The following SPDEF variants were observed in gnomAD, a reference collection of about 807,000 sequenced individuals.
SPDEF encodes SAM pointed domain containing ETS transcription factor, also known as SAM pointed domain-containing Ets transcription factor.
Under a neutral mutation model 36.0 loss-of-function variants are expected in SPDEF, and 12 were observed. The observed-to-expected ratio is 0.33, with a 90% CI of 0.21 to 0.54. The LOEUF (loss-of-function observed/expected upper bound fraction) is 0.54, where lower values mean the gene tolerates loss of function less well. Ranked by LOEUF, SPDEF falls within the 20% of genes least tolerant of loss-of-function variation. The pLI is 0.93. For synonymous variants in SPDEF, 205 were observed against 193.0 expected, an observed-to-expected ratio of 1.06 and a Z score of -0.51; for missense variants, 388 against 456.9, an observed-to-expected ratio of 0.85 and a Z score of 1.37.
At chr6:34,543,955 A>G in intron 2 of SPDEF, 65 bp downstream of exon 2, 1 of 1,537,826 alleles carries the variant, frequency 6.5e-7, no homozygotes, top group South Asian at 1.2e-5. Context: ...GCCCCGACCC[A>G]CCCCAGCGAC....
chr6:34,546,713 G>C (rs1048656903), intron 1 of SPDEF, among the ~76,000 whole-genome samples: 1 of 151,716 alleles, frequency 6.6e-6, no homozygotes, highest in Non-Finnish European at 1.5e-5. Context: ...AGGAGGGAAG[G>C]GTGTTCCCTT....
Position 34,538,232 on chromosome 6 carries a change from G to C in SPDEF, c.*42C>G, listed in dbSNP as rs1346317949. On this transcript the variant is annotated 3_prime_UTR_variant, in exon 6 of 6. Coordinates refer to ENST00000374037, the MANE Select transcript of SPDEF (RefSeq NM_012391.3). The surrounding 1 kb of genome is among the most constrained non-coding windows in gnomAD (Gnocchi z 5.9). ...CCTGGCTGAGGCAGGGCAGGCAGGA[G>C]AGAGGCCCCTGAGGGCGGGTTTCAG... The C allele has an allele frequency of 6.3e-7, 1 of 1,588,688 alleles. No homozygotes were observed. The highest frequency in any genetic ancestry group is 1.1e-5 in the South Asian group (1 of 87,794).
chr6:34,538,393 G>A lies in SPDEF; in HGVS notation c.889C>T (p.Arg297Cys), dbSNP rs374579377. Residue 297 changes from arginine (R) to cysteine (C), a missense_variant, in exon 6 of 6, where the codon CGT becomes TGT. By Grantham distance (180) the Arg-to-Cys change is radical. Transcript: ENST00000374037. The surrounding 1 kb of genome is among the most constrained non-coding windows in gnomAD (Gnocchi z 5.9). ...VARLWGIRKN[R>C]PAMNYDKLSR... ...AGCTTGTCGTAGTTCATGGCGGGAC[G>A]GTTCTTGCGGATGCCCCACAGCCGG... is the stretch of plus-strand genomic sequence containing the variant. 6 of 1,613,906 alleles carry A rather than the reference G, an allele frequency of 3.7e-6. No individual in the cohort carries two copies. Among genetic ancestry groups the A allele is most frequent in the African/African-American group, 2.7e-5 (2 of 74,930 alleles).
At chr6:34,545,142 G>A (rs973249606) in intron 1 of SPDEF, among the ~76,000 whole-genome samples, 37 of 152,338 alleles carry the variant, frequency 2.4e-4, no homozygotes, top group Admixed American at 1.8e-3. Context: ...TCACAGGTGT[G>A]TGTCTCCCAA....
At chr6:34,546,601 G>T (rs1294486689) in intron 1 of SPDEF, among the ~76,000 whole-genome samples, 1 of 152,150 alleles carries the variant, frequency 6.6e-6, no homozygotes, top group African/African-American at 2.4e-5. Flanking sequence ...TGGAGCCTAG[G>T]TAGAATTTCA....
chr6:34,548,480 T>G (rs904999574), intron 1 of SPDEF, among the ~76,000 whole-genome samples: 2 of 152,154 alleles, frequency 1.3e-5, no homozygotes, highest in Admixed American at 6.5e-5. Context: ...CCCATCCCAG[T>G]GGCTGGTGCC....
At chr6:34,548,409 C>G (rs1767996703) in intron 1 of SPDEF, among the ~76,000 whole-genome samples, 1 of 152,128 alleles carries the variant, frequency 6.6e-6, no homozygotes, top group South Asian at 2.1e-4. Flanking sequence ...TGTTCATATC[C>G]CTGCAGCACC....
At chr6:34,542,209 G>GGA (rs1281860876) in intron 2 of SPDEF, among the ~76,000 whole-genome samples, 1 of 152,202 alleles carries the variant, frequency 6.6e-6, no homozygotes, top group Non-Finnish European at 1.5e-5. Flanking sequence ...CGGGCCTGAG[G>GGA]GATGCATGAA....
chr6:34,555,837 C>T lies in SPDEF; in HGVS notation c.-30+92G>A, dbSNP rs572331531. 2.6e-5 allele frequency: 4 copies of T among 152,794 alleles called. No individual in the cohort carries two copies. Among genetic ancestry groups the T allele is most frequent in the African/African-American group, 7.2e-5 (3 of 41,430 alleles). 9.5% of individuals were successfully genotyped at this position (152,794 alleles called of 1,614,324 possible). A position where few individuals can be genotyped will look rare whatever the true frequency, so the allele number is the denominator to read the frequency against. ...AGATGAGCTCTGAGCTGGCAAAGTG[C>T]GCCCCCTCCAAGTCCTGCCTGCAGT... On this transcript the variant is annotated intron_variant, in intron 1 of 5. Coordinates refer to ENST00000374037, the MANE Select transcript of SPDEF (RefSeq NM_012391.3). This position sits in a 1 kb window ranked among gnomAD's most constrained non-coding sequence, Gnocchi z 5.2.
At chr6:34,554,776 C>A (rs1768130747) in intron 1 of SPDEF, among the ~76,000 whole-genome samples, 1 of 152,242 alleles carries the variant, frequency 6.6e-6, no homozygotes, top group African/African-American at 2.4e-5. Context: ...CGTCTCCTCC[C>A]CATCCCTGCC....
In SPDEF at chr6:34,548,167, C is replaced by T. The variant is rs549638299; in HGVS notation, c.-29-3683G>A. ...GCTTTCCTACCCACAGCCAGGGTGA[C>T]GTGGACTCCAGAGCCCTGCTTTATA... On this transcript the variant is annotated intron_variant, in intron 1 of 5. Transcript: ENST00000374037. Among the ~76,000 whole-genome samples the T allele has an allele frequency of 7.2e-5, 11 of 152,326 alleles. No homozygotes were observed. The East Asian group carries it at 1.9e-3, about 27-fold the overall frequency.
Position 34,544,221 on chromosome 6 carries a change from C to G in SPDEF, c.235G>C (p.Gly79Arg). 1.2e-6 allele frequency: 2 copies of G among 1,613,870 alleles called. No individual in the cohort carries two copies. Reference sequence around the variant, plus strand: ...GGTGGCTCCTCCCGACTGCTGGCCCCAGGGGCCTTGGCTGCCCAGCTGCTG... The same window carrying G: ...GGTGGCTCCTCCCGACTGCTGGCCCGAGGGGCCTTGGCTGCCCAGCTGCTG... ...EDSSWAAKAP[G>R]ASSREEPPEE... Residue 79 changes from glycine (G) to arginine (R), a missense_variant, in exon 2 of 6, where the codon GGG becomes CGG. Coordinates refer to ENST00000374037, the MANE Select transcript of SPDEF (RefSeq NM_012391.3). The surrounding 1 kb of genome is among the most constrained non-coding windows in gnomAD (Gnocchi z 4.4).
intron 1 of SPDEF, among the ~76,000 whole-genome samples, chr6:34,546,087 A>G (rs890772684): frequency 4.6e-5 from 7 of 152,172 alleles, no homozygotes; most frequent in African/African-American, 1.4e-4. Context: ...AGGGTTATTT[A>G]TAGTTTCAAG....
chr6:34,545,356 C>T (rs542184042), intron 1 of SPDEF, among the ~76,000 whole-genome samples: 1 of 152,368 alleles, frequency 6.6e-6, no homozygotes, highest in Non-Finnish European at 1.5e-5. Context: ...CAGGGAACAC[C>T]TAAAACCCTT....
intron 1 of SPDEF, among the ~76,000 whole-genome samples, chr6:34,551,482 C>T (rs1028505417): frequency 6.6e-6 from 1 of 152,192 alleles, no homozygotes; most frequent in Non-Finnish European, 1.5e-5. Context: ...GCTCTGTAGG[C>T]CAGGTCATCT....
At chr6:34,546,217 C>T (rs949443720) in intron 1 of SPDEF, among the ~76,000 whole-genome samples, 7 of 152,108 alleles carry the variant, frequency 4.6e-5, no homozygotes, top group Non-Finnish European at 4.4e-5. Context: ...GGGGAGACTC[C>T]GCAGTCTGGT....
At chr6:34,550,585 G>A (rs1477441899) in intron 1 of SPDEF, among the ~76,000 whole-genome samples, 2 of 151,988 alleles carry the variant, frequency 1.3e-5, no homozygotes, top group Non-Finnish European at 2.9e-5. Flanking sequence ...CTAGATCTCC[G>A]GGCTTTCCCC....
At chr6:34,554,550 G>A (rs369355917) in intron 1 of SPDEF, among the ~76,000 whole-genome samples, 2 of 152,260 alleles carry the variant, frequency 1.3e-5, no homozygotes, top group African/African-American at 4.8e-5. Context: ...TCTCAAAGGC[G>A]AGGGTGGGTC....
rs1767739059 is a variant in SPDEF, at chr6:34,538,341, T to C, written c.941A>G (p.Lys314Arg). Residue 314 changes from lysine (K) to arginine (R), a missense_variant, in exon 6 of 6, where the codon AAG (lysine) becomes AGG (arginine). Lys to Arg is a conservative substitution (Grantham distance 26, BLOSUM62 2). Transcript: ENST00000374037. This position sits in a 1 kb window ranked among gnomAD's most constrained non-coding sequence, Gnocchi z 5.9. ...KLSRSIRQYY[K>R]KGIIRKPDIS... ...GTCTGGCTTCCGGATGATGCCCTTC[T>C]TGTAATACTGGCGGATGGAGCGGCT... The C allele has an allele frequency of 6.2e-7, 1 of 1,614,040 alleles. No individual in the cohort carries two copies. Among genetic ancestry groups the C allele is most frequent in the South Asian group, 1.1e-5 (1 of 91,084 alleles).
Sources: gnomAD v4.1 joint callset for allele counts (sites outside exome capture counted in the v4.1 genomes callset) on GRCh38, gnomAD v4.1.1 for gene constraint, Gnocchi (gnomAD v3.1) non-coding constraint, MANE v1.5 for transcripts, NCBI Gene and HGNC (gene_info 2026-07-23, HGNC 2026-07-21) for gene names.